The following PSMG2 variants were observed in gnomAD, a reference collection of about 807,000 sequenced individuals.
PSMG2 encodes the protein CD40 ligand-activated specific transcript 3.
In PSMG2, 21 loss-of-function variants were observed where a neutral mutation model predicts 31.5. The observed-to-expected ratio is 0.67, with a 90% CI of 0.47 to 0.96. The LOEUF (loss-of-function observed/expected upper bound fraction) is 0.96. Ranked by LOEUF, PSMG2 falls within the 40% of genes least tolerant of loss-of-function variation. PSMG2 has a pLI of 0.00. For missense variants in PSMG2, 318 were observed against 321.2 expected (o/e 0.99, Z 0.08); for synonymous variants, 120 against 110.4 (o/e 1.09, Z -0.54).
chr18:12,666,455 T>G (rs1348853229), intron 1 of PSMG2, among the ~76,000 whole-genome samples: 11 of 149,830 alleles, frequency 7.3e-5, no homozygotes, highest in Non-Finnish European at 1.0e-4. Flanking sequence ...TTTTTTTTTT[T>G]GTGAGGTAGG....
chr18:12,721,630 A>G (rs2040431521), intron 5 of PSMG2, among the ~76,000 whole-genome samples: 1 of 151,802 alleles, frequency 6.6e-6, no homozygotes, highest in Non-Finnish European at 1.5e-5. Flanking sequence ...TTTCCTAGTC[A>G]AGCTAGCTAA....
In PSMG2 at chr18:12,677,458, CAAAAAAAAAAAAAA is replaced by C. The variant is rs71174127; in HGVS notation, c.-37+18698_-37+18711del. Among the ~76,000 whole-genome samples the C allele has an allele frequency of 1.4e-3, 74 of 53,944 alleles. No homozygotes were observed. The South Asian group carries it at 0.023, about 17-fold the overall frequency. 35.4% of individuals were successfully genotyped at this position (53,944 alleles called of 152,430 possible). On this transcript the variant is annotated intron_variant, in intron 1 of 6. Transcript: ENST00000585331. ...GGTGACAGAGCGAGAGATTCCATCT[CAAAAAAAAAAAAAA>C]AAAAAAAAAAAAGAGGTTTGATCTC...
intron 1 of PSMG2, chr18:12,659,033 C>T (rs1192337477): frequency 6.3e-6 from 1 of 158,364 alleles, no homozygotes; most frequent in Admixed American, 6.4e-5. Context: ...AGAATTCCGC[C>T]CCCCCAACCT....
At chr18:12,719,752 A>G (rs2040412969) in intron 4 of PSMG2, among the ~76,000 whole-genome samples, 1 of 120,748 alleles carries the variant, frequency 8.3e-6, no homozygotes, top group African/African-American at 3.3e-5. Context: ...TCAGTTGCCC[A>G]GTTCTCAGTT....
intron 6 of PSMG2, 190 bp downstream of exon 6, chr18:12,724,809 T>C: frequency 1.8e-6 from 1 of 557,658 alleles, no homozygotes; most frequent in Non-Finnish European, 2.7e-6. Context: ...ATTTACAGTT[T>C]TTTCATTAAA....
chr18:12,714,027 G>C (rs903937321), intron 3 of PSMG2, among the ~76,000 whole-genome samples: 1 of 152,156 alleles, frequency 6.6e-6, no homozygotes, highest in African/African-American at 2.4e-5. Flanking sequence ...TGGGATTACA[G>C]GTGTAAGCCA....
chr18:12,670,333 AAAAAAAG>A (rs398041436), intron 1 of PSMG2: 1 of 150,138 alleles, frequency 6.7e-6, no homozygotes, highest in Admixed American at 6.6e-5. Context: ...CTGTCTCAAA[AAAAAAAG>A]AAAAAAGAAT....
At chr18:12,665,697 T>A (rs2038788006) in intron 1 of PSMG2, among the ~76,000 whole-genome samples, 1 of 152,098 alleles carries the variant, frequency 6.6e-6, no homozygotes, top group South Asian at 2.1e-4. Flanking sequence ...TCTTAAAAAT[T>A]TTTTTTTAAT....
intron 1 of PSMG2, chr18:12,671,290 C>T (rs987013734): frequency 2.0e-5 from 3 of 151,842 alleles, no homozygotes; most frequent in African/African-American, 4.8e-5. Flanking sequence ...TTTCGAAAAA[C>T]GAAATCATTT....
intron 1 of PSMG2, among the ~76,000 whole-genome samples, chr18:12,671,473 CTA>C (rs896121803): frequency 1.4e-4 from 22 of 151,932 alleles, no homozygotes; most frequent in African/African-American, 4.8e-4. Context: ...ATGAAAAGAA[CTA>C]TGCACAGAAG....
intron 1 of PSMG2, chr18:12,686,100 G>A: frequency 4.0e-6 from 2 of 495,922 alleles, no homozygotes; most frequent in Non-Finnish European, 7.0e-6. Context: ...ACTTTTGTAA[G>A]TATTTTTGAT....
intron 1 of PSMG2, chr18:12,678,384 G>A: frequency 3.1e-6 from 5 of 1,614,152 alleles, no homozygotes; most frequent in Non-Finnish European, 3.4e-6. Flanking sequence ...TATGGGTACA[G>A]TGGTTTGGGC....
intron 1 of PSMG2, chr18:12,695,286 G>T (rs1568029983): frequency 6.4e-7 from 1 of 1,565,182 alleles, no homozygotes; most frequent in Non-Finnish European, 8.8e-7. Flanking sequence ...GATAACGTTT[G>T]ATTGAGTGGT....
intron 6 of PSMG2, 85 bp from the exon 7 acceptor site, chr18:12,725,343 CCAAAAGGAACA>C: frequency 2.0e-6 from 2 of 983,290 alleles, no homozygotes; most frequent in Non-Finnish European, 2.9e-6. Flanking sequence ...AAAGTGCCAA[CCAAAAGGAACA>C]CAAAAGGAGA....
In PSMG2 at chr18:12,703,041, CG is replaced by C; in HGVS notation, c.-66del. The C allele has an allele frequency of 6.4e-7, 1 of 1,561,120 alleles. No individual in the cohort carries two copies. Among genetic ancestry groups the C allele is most frequent in the Non-Finnish European group, 8.7e-7 (1 of 1,148,826 alleles). ...GCGAGGCTCCGGGGTCTCGGGCTTC[CG>C]CCTTCTTGCTGCCCTCGTTCTTGCC... is the stretch of plus-strand genomic sequence containing the variant. On this transcript the variant is annotated 5_prime_UTR_variant, in exon 1 of 7. Transcript: ENST00000317615.
rs138672454 is a variant in PSMG2 at position 12,703,141 on chromosome 18, C to T, written c.34C>T (p.Leu12Phe). The T allele has an allele frequency of 2.2e-4, 350 of 1,612,060 alleles. No individual in the cohort carries two copies. Among genetic ancestry groups the T allele is most frequent in the Non-Finnish European group, 2.8e-4 (334 of 1,179,512 alleles). ...TCCCTGCGGGGAGTCGGCCCCCGACCTTGCCGGCTTCACCCTCCTAATGGT... is the reference window on the plus strand; with the variant it reads ...TCCCTGCGGGGAGTCGGCCCCCGACTTTGCCGGCTTCACCCTCCTAATGGT... ...FVPCGESAPDLAGFTLLMPAV... is the reference protein window; with the variant it reads ...FVPCGESAPDFAGFTLLMPAV... Residue 12 changes from leucine to phenylalanine, a missense_variant, in exon 1 of 7, where the codon CTT becomes TTT. Physicochemically the swap from Leu to Phe is conservative, Grantham distance 22. Transcript: ENST00000317615.
At chr18:12,698,698 C>A (rs1437817578), upstream of PSMG2, 1 of 313,550 alleles carries the variant, frequency 3.2e-6, no homozygotes, top group Non-Finnish European at 5.8e-6. Flanking sequence ...CATCCCAGCA[C>A]CTGCCTAGCA....
chr18:12,699,313 A>G (rs1279219560), upstream of PSMG2: 3 of 622,878 alleles, frequency 4.8e-6, no homozygotes, highest in African/African-American at 3.8e-5. Flanking sequence ...ACCAAAGACT[A>G]AAAAAAAAGC....
upstream of PSMG2, chr18:12,700,904 A>G: frequency 1.4e-6 from 2 of 1,420,106 alleles, no homozygotes; most frequent in Non-Finnish European, 1.9e-6. Flanking sequence ...AAGTAGTGTT[A>G]CGCATTAGTA....
Sources: allele counts gnomAD v4.1 joint callset (sites outside exome capture counted in the v4.1 genomes callset), GRCh38; gene constraint gnomAD v4.1.1; transcripts MANE v1.5; gene names NCBI Gene and HGNC (gene_info 2026-07-23, HGNC 2026-07-21).